Variants in KAZN observed in about 807,000 individuals in gnomAD.
KAZN encodes kazrin, periplakin interacting protein.
Under a neutral mutation model 87.4 loss-of-function variants are expected in KAZN, and 40 were observed. The observed-to-expected ratio is 0.46, with a 90% confidence interval of 0.36 to 0.60. The LOEUF (loss-of-function observed/expected upper bound fraction) is 0.60. KAZN is among the 20% of genes least tolerant of loss of function. The pLI is 0.00. For synonymous variants in KAZN, 466 were observed against 458.3 expected (o/e 1.02, Z -0.22); for missense variants, 898 against 1,073.9 (o/e 0.84, Z 2.29).
chr1:14,903,244 C>T (rs1656132401), intron 1 of KAZN, among the ~76,000 whole-genome samples: 1 of 152,290 alleles, frequency 6.6e-6, no homozygotes, highest in East Asian at 1.9e-4. Flanking sequence ...AAAAAAATTG[C>T]TGATAGCGTC....
chr1:14,123,255 C>T (rs1644789529), intron 1 of KAZN, among the ~76,000 whole-genome samples: 1 of 152,160 alleles, frequency 6.6e-6, no homozygotes, highest in Admixed American at 6.6e-5. Flanking sequence ...CACACAGAGG[C>T]ATGACTTTTT....
At chr1:14,001,717 G>T (rs1337285023) in intron 1 of KAZN, among the ~76,000 whole-genome samples, 2 of 152,186 alleles carry the variant, frequency 1.3e-5, no homozygotes, top group African/African-American at 2.4e-5. Flanking sequence ...ACAACCATCT[G>T]ATCTTCGACA....
At chr1:15,064,861 G>C (rs1373982867) in intron 7 of KAZN, among the ~76,000 whole-genome samples, 1 of 152,166 alleles carries the variant, frequency 6.6e-6, no homozygotes, top group African/African-American at 2.4e-5. Context: ...ATGACCACAG[G>C]CAGTGGCCGA....
intron 2 of KAZN, among the ~76,000 whole-genome samples, chr1:14,262,290 T>C (rs933183852): frequency 4.6e-5 from 7 of 152,140 alleles, no homozygotes; most frequent in Admixed American, 2.6e-4. Context: ...GCAGACCATA[T>C]AAGTGGTACA....
chr1:14,035,070 C>G (rs1038837154), intron 1 of KAZN, among the ~76,000 whole-genome samples: 10 of 152,164 alleles, frequency 6.6e-5, no homozygotes, highest in Admixed American at 3.9e-4. Context: ...CAACACAAAA[C>G]AGCAAAAGAA....
At chr1:14,938,273 G>C (rs1660674460) in intron 1 of KAZN, among the ~76,000 whole-genome samples, 1 of 152,208 alleles carries the variant, frequency 6.6e-6, no homozygotes, top group East Asian at 1.9e-4. Flanking sequence ...CGGATGCGGT[G>C]GCTCACGCCT....
intron 1 of KAZN, among the ~76,000 whole-genome samples, chr1:13,911,906 G>A (rs1377418217): frequency 1.3e-5 from 2 of 152,142 alleles, no homozygotes; most frequent in African/African-American, 4.8e-5. Flanking sequence ...AAGGATGTGG[G>A]TTTGGTGTCA....
intron 2 of KAZN, among the ~76,000 whole-genome samples, chr1:14,983,087 G>A (rs1467372952): frequency 2.6e-5 from 4 of 152,202 alleles, no homozygotes; most frequent in Non-Finnish European, 5.9e-5. Context: ...CAGCAGGGGG[G>A]CTTTTTATTC....
intron 1 of KAZN, among the ~76,000 whole-genome samples, chr1:14,837,969 C>T (rs943239546): frequency 6.6e-6 from 1 of 152,060 alleles, no homozygotes; most frequent in Admixed American, 6.5e-5. Flanking sequence ...CTGTCTTAGT[C>T]CCTTTGTGCT....
intron 2 of KAZN, among the ~76,000 whole-genome samples, chr1:14,366,029 A>G (rs1659968484): frequency 6.6e-6 from 1 of 152,256 alleles, no homozygotes; most frequent in African/African-American, 2.4e-5. Flanking sequence ...TTGCTTGGAA[A>G]TACAGCAAAT....
intron 1 of KAZN, among the ~76,000 whole-genome samples, chr1:14,092,183 C>T (rs914148592): frequency 5.3e-5 from 8 of 150,162 alleles, no homozygotes; most frequent in South Asian, 2.1e-4. Context: ...CTGCGCCTCC[C>T]GGGTTCATGA....
At chr1:14,366,088 T>C (rs1463638204) in intron 2 of KAZN, among the ~76,000 whole-genome samples, 1 of 152,244 alleles carries the variant, frequency 6.6e-6, no homozygotes, top group Non-Finnish European at 1.5e-5. Context: ...AATACACATC[T>C]GTTCATTAAA....
chr1:14,903,794 G>T (rs868745419), intron 1 of KAZN, among the ~76,000 whole-genome samples: 7 of 152,164 alleles, frequency 4.6e-5, no homozygotes, highest in Admixed American at 1.3e-4. Flanking sequence ...ACCTTAGTAG[G>T]TTACATGTAT....
intron 1 of KAZN, among the ~76,000 whole-genome samples, chr1:14,921,885 T>C (rs531621906): frequency 5.8e-4 from 89 of 152,342 alleles, no homozygotes; most frequent in African/African-American, 2.1e-3. Context: ...CTAATTTTTG[T>C]ATTTTTAGTA....
intron 1 of KAZN, among the ~76,000 whole-genome samples, chr1:13,993,839 A>C (rs991823931): frequency 2.0e-5 from 3 of 152,212 alleles, no homozygotes; most frequent in Non-Finnish European, 1.5e-5. Flanking sequence ...GCTTTACAAT[A>C]CTGAGAAATT....
In KAZN at chr1:14,220,364, C is replaced by T. The variant is rs545864889; in HGVS notation, c.249+39772C>T. Among the ~76,000 whole-genome samples the T allele has an allele frequency of 5.9e-5, 9 of 152,280 alleles. No homozygotes were observed. In the East Asian group the frequency reaches 7.7e-4, roughly 13 times the overall value. Reference sequence around the variant, plus strand: ...TTGCCAACCCAATTAATAGCTTCTCCGCTTCCTGGTCCTGACTTAGAATCT... The same window carrying T: ...TTGCCAACCCAATTAATAGCTTCTCTGCTTCCTGGTCCTGACTTAGAATCT... On this transcript the variant is annotated intron_variant, in intron 2 of 16. Transcript: ENST00000636203.
intron 1 of KAZN, among the ~76,000 whole-genome samples, chr1:14,171,494 G>A (rs1446117657): frequency 8.5e-6 from 1 of 117,208 alleles, no homozygotes; most frequent in Non-Finnish European, 1.8e-5. Context: ...TAATAATGGG[G>A]GGAAAATCTG....
At chr1:14,652,757 C>T (rs575932232) in intron 1 of KAZN, among the ~76,000 whole-genome samples, 56 of 148,800 alleles carry the variant, frequency 3.8e-4, no homozygotes, top group Non-Finnish European at 7.3e-4. Flanking sequence ...ATTCATCCAC[C>T]CATCCACGCA....
intron 2 of KAZN, among the ~76,000 whole-genome samples, chr1:14,212,285 T>C (rs1646868893): frequency 6.6e-6 from 1 of 152,164 alleles, no homozygotes; most frequent in Non-Finnish European, 1.5e-5. Flanking sequence ...GGAGCTGTGA[T>C]TGACGAAACC....
Sources: gnomAD v4.1 joint callset for allele counts (sites outside exome capture counted in the v4.1 genomes callset) on GRCh38, gnomAD v4.1.1 for gene constraint, MANE v1.5 for transcripts, NCBI Gene and HGNC (gene_info 2026-07-23, HGNC 2026-07-21) for gene names.